DHRS1: variants seen among roughly 807,000 people sequenced by gnomAD.
DHRS1 encodes dehydrogenase/reductase 1, also known as dehydrogenase/reductase SDR family member 1.
Under a neutral mutation model 35.2 loss-of-function variants are expected in DHRS1, and 34 were observed. The observed-to-expected ratio is 0.97, with a 90% CI of 0.74 to 1.29. The LOEUF (loss-of-function observed/expected upper bound fraction) is 1.29, where lower values mean the gene tolerates loss of function less well. Among genes scored for constraint, DHRS1 ranks in the 50% most tolerant of loss-of-function variants. The probability of loss-of-function intolerance (pLI) is 0.00; values close to 1 mark genes in which losing one functional copy is unlikely to be tolerated. For synonymous variants in DHRS1, 133 were observed against 160.0 expected (o/e 0.83, Z 1.27); for missense variants, 354 against 403.6 (o/e 0.88, Z 1.05).
chr14:24,298,986 G>A lies in DHRS1; in HGVS notation c.121C>T (p.Leu41=), dbSNP rs565891970. 27 of 1,612,992 alleles carry A rather than the reference G, an allele frequency of 1.7e-5. No homozygotes were observed. The highest frequency in any genetic ancestry group is 4.5e-5 in the East Asian group (2 of 44,844). ...TGAGCAACAACGCGAAGGGTGTCCA[G>A]ATGGCGGCCAGTGATGTAAACTGTG... ...GATVYITGRH[L]DTLRVVAQEA... Residue 41 remains leucine, a synonymous_variant, in exon 2 of 9, where the codon CTG becomes TTG. Transcript: ENST00000288111.
In DHRS1 at chr14:24,292,792, G is replaced by A. The variant is rs202119978; in HGVS notation, c.375-8C>T. 127 of 1,609,110 alleles carry A rather than the reference G, an allele frequency of 7.9e-5. No individual in the cohort carries two copies. Among genetic ancestry groups the A allele is most frequent in the Non-Finnish European group, 1.0e-4 (122 of 1,177,912 alleles). On this transcript the variant is annotated splice_region_variant and splice_polypyrimidine_tract_variant and intron_variant, in intron 4 of 8. Coordinates refer to ENST00000288111, the MANE Select transcript of DHRS1 (RefSeq NM_001136050.3). The stretch of plus-strand genomic sequence containing the variant: ...GAGCAAAAGTAGTGGCCTCTAGAAG[G>A]TGGGGCAAGGGAAGAAGGAATGAAC...
intron 4 of DHRS1, 96 bp downstream of exon 4, chr14:24,296,413 G>A (rs561165213): frequency 7.6e-6 from 9 of 1,182,272 alleles, no homozygotes; most frequent in Non-Finnish European, 1.1e-5. Context: ...GATGGGGGAG[G>A]CCGGAGGGAA....
chr14:24,296,400 A>C, intron 4 of DHRS1, 109 bp downstream of exon 4: 1 of 1,059,622 alleles, frequency 9.4e-7, no homozygotes, highest in East Asian at 2.4e-5. Context: ...GGGAGAAGAA[A>C]GAGATGGGGG....
chr14:24,292,592 G>T, intron 5 of DHRS1, 60 bp downstream of exon 5: 1 of 1,613,712 alleles, frequency 6.2e-7, no homozygotes, highest in South Asian at 1.1e-5. Context: ...TGTACCTCCT[G>T]AGCTATAGGT....
chr14:24,291,852 T>C (rs1178588396), intron 6 of DHRS1: 1 of 613,710 alleles, frequency 1.6e-6, no homozygotes, highest in Admixed American at 2.9e-5. Flanking sequence ...CTTTGCTAAG[T>C]GGAAGGATCT....
chr14:24,292,039 G>A, intron 6 of DHRS1, 145 bp downstream of exon 6: 2 of 1,050,710 alleles, frequency 1.9e-6, no homozygotes, highest in Non-Finnish European at 1.4e-6. Context: ...TCCCTTACAG[G>A]ATTAAAGGAA....
intron 4 of DHRS1, 70 bp from the exon 5 acceptor site, chr14:24,292,854 G>A (rs753264779): frequency 1.4e-4 from 209 of 1,527,034 alleles, no homozygotes; most frequent in Non-Finnish European, 1.7e-4. Context: ...AGCCTCTGGC[G>A]GCTTCCCCTG....
intron 4 of DHRS1, among the ~76,000 whole-genome samples, chr14:24,295,187 G>C (rs1051531974): frequency 6.6e-6 from 1 of 152,106 alleles, no homozygotes; most frequent in African/African-American, 2.4e-5. Flanking sequence ...AAAAGAATGA[G>C]AGATATTTAC....
chr14:24,291,361 T>C, intron 7 of DHRS1, 142 bp from the exon 8 acceptor site: 13 of 1,090,502 alleles, frequency 1.2e-5, no homozygotes, highest in Non-Finnish European at 1.7e-5. Context: ...CTTGGACTTT[T>C]TCCACACTTC....
Position 24,299,098 on chromosome 14 carries a change from A to G in DHRS1, c.9T>C (p.Ala3=). MA[A]PMNGQVCVVT... ...CCACACACACTTGGCCATTCATGGGAGCTGCCATGACTCACAGGCAAAGGA... is the reference window on the plus strand; with the variant it reads ...CCACACACACTTGGCCATTCATGGGGGCTGCCATGACTCACAGGCAAAGGA... Residue 3 remains alanine (A), a synonymous_variant, in exon 2 of 9, where the codon GCT becomes GCC. Transcript: ENST00000288111. 1 of 1,612,772 alleles carries G rather than the reference A, an allele frequency of 6.2e-7. No homozygotes were observed. Among genetic ancestry groups the G allele is most frequent in the Admixed American group, 1.7e-5 (1 of 59,968 alleles).
chr14:24,292,211 C>T lies in DHRS1; in HGVS notation c.627G>A (p.Glu209=). ...ELLKEHMAKE[E]VLQDPVLKQF... is the part of the protein sequence containing the mutation. ...GCTTCAACACAGGATCCTGCAGGAC[C>T]TCCTCCTTTGCCATATGCTCCTTCA... Residue 209 remains glutamate (E), a synonymous_variant, in exon 6 of 9, where the codon GAG becomes GAA. Coordinates refer to ENST00000288111, the MANE Select transcript of DHRS1 (RefSeq NM_001136050.3). 1.9e-6 allele frequency: 3 copies of T among 1,614,154 alleles called. No individual in the cohort carries two copies. Among genetic ancestry groups the T allele is most frequent in the Non-Finnish European group, 2.5e-6 (3 of 1,180,042 alleles).
intron 2 of DHRS1, chr14:24,298,736 T>C: frequency 1.9e-6 from 1 of 538,020 alleles, no homozygotes; most frequent in Non-Finnish European, 3.2e-6. Flanking sequence ...CGTGCCACCA[T>C]GCCTGGCTCA....
intron 7 of DHRS1, 53 bp from the exon 8 acceptor site, chr14:24,291,272 C>A: frequency 6.3e-7 from 1 of 1,586,954 alleles, no homozygotes. Flanking sequence ...TGCAGAGTGA[C>A]AAGGTTTGGG....
chr14:24,292,813 T>C, intron 4 of DHRS1, 29 bp from the exon 5 acceptor site: 1 of 1,604,080 alleles, frequency 6.2e-7, no homozygotes, highest in Middle Eastern at 1.7e-4. Flanking sequence ...GAAGAAGGAA[T>C]GAACCGTGTT....
At chr14:24,291,306 A>G in intron 7 of DHRS1, 87 bp from the exon 8 acceptor site, 8 of 1,368,326 alleles carry the variant, frequency 5.8e-6, no homozygotes, top group Non-Finnish European at 8.3e-6. Flanking sequence ...GGCACTGCTG[A>G]GAGCCCTGGA....
At chr14:24,291,325 T>A in intron 7 of DHRS1, 106 bp from the exon 8 acceptor site, 1 of 1,248,592 alleles carries the variant, frequency 8.0e-7, no homozygotes, top group Non-Finnish European at 1.2e-6. Context: ...GAGCTCAGGA[T>A]CCCTGGAGAG....
chr14:24,297,789 C>A (rs916208779), intron 2 of DHRS1, among the ~76,000 whole-genome samples: 4 of 152,168 alleles, frequency 2.6e-5, no homozygotes, highest in Admixed American at 1.3e-4. Context: ...GCTTATGGAG[C>A]TCCCTCTGCT....
Position 24,296,504 on chromosome 14 carries a change from C to G in DHRS1, c.374+5G>C. 6.2e-7 allele frequency: 1 copy of G among 1,614,090 alleles called. No individual in the cohort carries two copies. Among genetic ancestry groups the G allele is most frequent in the Non-Finnish European group, 8.5e-7 (1 of 1,179,980 alleles). ...GAACATGGGTCCTGGCAGTGGAGCACCCACCTGAGTCCGACGTTGTTGATA... is the reference window on the plus strand; with the variant it reads ...GAACATGGGTCCTGGCAGTGGAGCAGCCACCTGAGTCCGACGTTGTTGATA... On this transcript the variant is annotated splice_donor_5th_base_variant and intron_variant, in intron 4 of 8. Transcript: ENST00000288111.
rs911859864 is a variant in DHRS1 at position 24,292,892 on chromosome 14, A to G, written c.375-108T>C. ...TTCTGGTGGTTGTTGTCCACTAGGA[A>G]GGCTACACAGGGTGGGTTAGCGACC... is the stretch of plus-strand genomic sequence containing the variant. On this transcript the variant is annotated intron_variant, in intron 4 of 8. Coordinates refer to ENST00000288111, the MANE Select transcript of DHRS1 (RefSeq NM_001136050.3). 6.3e-6 allele frequency: 9 copies of G among 1,419,464 alleles called. No individual in the cohort carries two copies. The East Asian group carries it at 2.3e-4, about 36-fold the overall frequency. 87.9% of individuals were successfully genotyped at this position (1,419,464 alleles called of 1,614,324 possible).
Sources: allele counts gnomAD v4.1 joint callset (sites outside exome capture counted in the v4.1 genomes callset), GRCh38; gene constraint gnomAD v4.1.1; transcripts MANE v1.5; gene names NCBI Gene and HGNC (gene_info 2026-07-23, HGNC 2026-07-21).